Variants in FCER2 observed in about 807,000 individuals in gnomAD.
FCER2 encodes low affinity immunoglobulin epsilon Fc receptor.
In FCER2, 38 loss-of-function variants were observed where a neutral mutation model predicts 49.7. The observed-to-expected ratio is 0.76, with a 90% CI of 0.59 to 1.00. FCER2 has a LOEUF of 1.00. Among genes scored for constraint, FCER2 ranks in the 50% least tolerant of loss-of-function variants. FCER2 has a pLI of 0.00. For missense variants in FCER2, 425 were observed against 419.5 expected, an observed-to-expected ratio of 1.01 and a Z score of -0.11; for synonymous variants, 163 against 164.6, an observed-to-expected ratio of 0.99 and a Z score of 0.07.
intron 2 of FCER2, chr19:7,699,476 C>CG: frequency 1.5e-6 from 2 of 1,305,370 alleles, no homozygotes; most frequent in Non-Finnish European, 2.0e-6. Flanking sequence ...TAGCTGAAGC[C>CG]GTTTTTTTTT....
chr19:7,693,447 C>T (rs979129338), intron 8 of FCER2, among the ~76,000 whole-genome samples: 7 of 151,790 alleles, frequency 4.6e-5, no homozygotes. Flanking sequence ...TGGATCAAAT[C>T]TTTCTTGCTT....
intron 8 of FCER2, among the ~76,000 whole-genome samples, chr19:7,691,966 A>AC (rs1568487353): frequency 1.2e-4 from 8 of 68,020 alleles, no homozygotes; most frequent in African/African-American, 3.9e-4. Context: ...CACCATTGTC[A>AC]CACATTCACA....
Position 7,697,577 on chromosome 19 carries a change from G to A in FCER2, c.203C>T (p.Ser68Phe). The change falls in exon 5 of 11, where the codon TCC becomes TTC. Residue 68 changes from serine to phenylalanine, a missense_variant. Ser to Phe is a radical substitution (Grantham distance 155). Coordinates refer to ENST00000597921, the MANE Select transcript of FCER2 (RefSeq NM_001220500.2). ...ERAARNVSQV[S>F]KNLESHHGDQ... ...ACCGTGGTGGCTTTCCAAGTTCTTGGAAACTTGAGAGACTGGAGCGGCGGG... is the reference window on the plus strand; with the variant it reads ...ACCGTGGTGGCTTTCCAAGTTCTTGAAAACTTGAGAGACTGGAGCGGCGGG... 1 of 1,614,058 alleles carries A rather than the reference G, an allele frequency of 6.2e-7. No homozygotes were observed. Among genetic ancestry groups the A allele is most frequent in the Non-Finnish European group, 8.5e-7 (1 of 1,179,982 alleles).
chr19:7,689,220 G>T lies in FCER2; in HGVS notation c.939C>A (p.Pro313=). The change falls in exon 11 of 11, where the codon CCC becomes CCA. Residue 313 remains proline (P), a synonymous_variant. Transcript: ENST00000597921. The part of the protein sequence containing the change: ...DSRPDPDGRL[P]TPSAPLHS Reference sequence around the variant, plus strand: ...AAGAGTGGAGAGGGGCAGAGGGGGTGGGCAGGCGGCCGTCAGGGTCTGGTC... The same window carrying T: ...AAGAGTGGAGAGGGGCAGAGGGGGTTGGCAGGCGGCCGTCAGGGTCTGGTC... The T allele has an allele frequency of 6.2e-7, 1 of 1,612,560 alleles. No individual in the cohort carries two copies. The highest frequency in any genetic ancestry group is 8.5e-7 in the Non-Finnish European group (1 of 1,178,894).
At chr19:7,696,029 G>A (rs1294398022) in intron 8 of FCER2, among the ~76,000 whole-genome samples, 2 of 150,568 alleles carry the variant, frequency 1.3e-5, no homozygotes, top group Non-Finnish European at 2.9e-5. Flanking sequence ...TGCCTCCCGG[G>A]TTCAAGTGAT....
At chr19:7,701,667 T>C (rs557871284) in intron 1 of FCER2, among the ~76,000 whole-genome samples, 126 of 152,208 alleles carry the variant, frequency 8.3e-4, no homozygotes, top group Middle Eastern at 6.8e-3. Flanking sequence ...TGGTAAGTGC[T>C]GGGTGGCAGG....
At chr19:7,698,633 T>G in intron 3 of FCER2, 108 bp downstream of exon 3, 1 of 1,477,524 alleles carries the variant, frequency 6.8e-7, no homozygotes, top group Non-Finnish European at 9.1e-7. Flanking sequence ...AAAATTGGGT[T>G]TTGAGAGGAT....
chr19:7,694,118 C>A (rs1050736096), intron 8 of FCER2, among the ~76,000 whole-genome samples: 11 of 152,160 alleles, frequency 7.2e-5, no homozygotes, highest in Non-Finnish European at 1.6e-4. Flanking sequence ...TTCTAAGGAG[C>A]TTAGGGTCTG....
rs143183855 is a variant in FCER2 at position 7,689,682 on chromosome 19, C to G, written c.729-252G>C. ...GTCGCCCAGGCTGGAGTGCAGTGCGCGATCTCAGCTCACTGCAACCTCCGC... is the reference window on the plus strand; with the variant it reads ...GTCGCCCAGGCTGGAGTGCAGTGCGGGATCTCAGCTCACTGCAACCTCCGC... On this transcript the variant is annotated intron_variant, in intron 10 of 10. Coordinates refer to ENST00000597921, the MANE Select transcript of FCER2 (RefSeq NM_001220500.2). Among the ~76,000 whole-genome samples, 44 of 152,174 alleles carry G rather than the reference C, an allele frequency of 2.9e-4. No homozygotes were observed. In the East Asian group the frequency reaches 8.3e-3, roughly 29 times the overall value.
rs768050213 is a variant in FCER2, at chr19:7,697,525, A to G, written c.253+2T>C. ...GCAACCCCAACTCCAGGAGTCACTC[A>G]CACTGGGATTTCTGCGCCATCTGGT... On this transcript the variant is annotated splice_donor_variant, in intron 5 of 10. Coordinates refer to ENST00000597921, the MANE Select transcript of FCER2 (RefSeq NM_001220500.2). LOFTEE classifies it high-confidence loss of function. 1.2e-6 allele frequency: 2 copies of G among 1,613,288 alleles called. No homozygotes were observed. Among genetic ancestry groups the G allele is most frequent in the Non-Finnish European group, 1.7e-6 (2 of 1,179,370 alleles).
chr19:7,700,037 G>A (rs1451339482), intron 1 of FCER2, 192 bp from the exon 2 acceptor site: 9 of 547,520 alleles, frequency 1.6e-5, no homozygotes, highest in Non-Finnish European at 2.0e-5. Context: ...TCAGAAGTGG[G>A]GCACTCCAGA....
rs182569239 is a variant in FCER2 at position 7,690,497 on chromosome 19, A to C, written c.530T>G (p.Phe177Cys). The change falls in exon 9 of 11, where the codon TTC becomes TGC. Residue 177 changes from phenylalanine (F) to cysteine (C), a missense_variant. Coordinates refer to ENST00000597921, the MANE Select transcript of FCER2 (RefSeq NM_001220500.2). Reference sequence around the variant, plus strand: ...GACCCACTGCTTGGTGCCCTTGCCGAAGTAGTAGCACTTCCGTTGGAAATT... The same window carrying C: ...GACCCACTGCTTGGTGCCCTTGCCGCAGTAGTAGCACTTCCGTTGGAAATT... ...WINFQRKCYY[F>C]GKGTKQWVHA... The C allele has an allele frequency of 1.2e-6, 2 of 1,614,088 alleles. No homozygotes were observed. Among genetic ancestry groups the C allele is most frequent in the African/African-American group, 1.3e-5 (1 of 75,030 alleles).
At chr19:7,690,041 AC>A in intron 10 of FCER2, 117 bp downstream of exon 10, 3 of 705,026 alleles carry the variant, frequency 4.3e-6, no homozygotes, top group Non-Finnish European at 7.4e-6. Flanking sequence ...TCTCCCCTGC[AC>A]CCTAGAGACC....
Position 7,699,802 on chromosome 19 carries a change from C to T in FCER2, c.-42G>A, listed in dbSNP as rs778979534. ...TTCTCCCGATGATGGAGCACTCACT[C>T]CCTGACAACGCAGTCCACTCAGCGG... On this transcript the variant is annotated 5_prime_UTR_variant, in exon 2 of 11. Coordinates refer to ENST00000597921, the MANE Select transcript of FCER2 (RefSeq NM_001220500.2). The T allele has an allele frequency of 3.7e-6, 6 of 1,605,314 alleles. No homozygotes were observed. The highest frequency in any genetic ancestry group is 4.3e-6 in the Non-Finnish European group (5 of 1,172,444).
At chr19:7,689,683 G>A (rs186128262) in intron 10 of FCER2, among the ~76,000 whole-genome samples, 36 of 152,142 alleles carry the variant, frequency 2.4e-4, no homozygotes, top group Admixed American at 5.9e-4. Context: ...TGCAGTGCGC[G>A]ATCTCAGCTC....
Position 7,700,019 on chromosome 19 carries a change from G to A in FCER2, c.-85-174C>T, listed in dbSNP as rs184734088. The A allele has an allele frequency of 2.1e-3, 1,173 of 563,372 alleles. 18 individuals carry two copies. Among genetic ancestry groups the A allele is most frequent in the South Asian group, 3.0e-3 (148 of 48,700 alleles). The allele number at this position is 563,372 out of a possible 1,614,324, so 34.9% of individuals were successfully genotyped here. A position where few individuals can be genotyped will look rare whatever the true frequency, so the allele number is the denominator to read the frequency against. ...ACACAGCTGGTGTGGAGAGATAGCA[G>A]CCTGAGATCAGAAGTGGGGCACTCC... is the stretch of plus-strand genomic sequence containing the variant. On this transcript the variant is annotated intron_variant, in intron 1 of 10. Transcript: ENST00000597921.
intron 8 of FCER2, among the ~76,000 whole-genome samples, chr19:7,694,781 G>A (rs1055655693): frequency 3.3e-5 from 5 of 152,088 alleles, no homozygotes; most frequent in Non-Finnish European, 7.4e-5. Context: ...TCAAGGGTGG[G>A]GGCATTAGCT....
intron 8 of FCER2, among the ~76,000 whole-genome samples, chr19:7,696,183 T>A (rs765226092): frequency 5.3e-5 from 8 of 152,068 alleles, no homozygotes; most frequent in Non-Finnish European, 8.8e-5. Flanking sequence ...CACTGCAACC[T>A]CCACCTCCCG....
At chr19:7,699,443 ACTCTATTGGG>A in intron 2 of FCER2, 1 of 1,460,742 alleles carries the variant, frequency 6.8e-7, no homozygotes, top group South Asian at 1.2e-5. Flanking sequence ...TTGGCCTCTG[ACTCTATTGGG>A]CTCCCCGCTC....
Sources: allele counts gnomAD v4.1 joint callset (sites outside exome capture counted in the v4.1 genomes callset), GRCh38; gene constraint gnomAD v4.1.1; transcripts MANE v1.5; gene names NCBI Gene and HGNC (gene_info 2026-07-23, HGNC 2026-07-21).